PITPNC1: variants seen among roughly 807,000 people sequenced by gnomAD.
The protein encoded by PITPNC1 is cytoplasmic phosphatidylinositol transfer protein 1.
Under a neutral mutation model 44.7 loss-of-function variants are expected in PITPNC1, and 18 were observed. The observed-to-expected ratio is 0.40, with a 90% CI of 0.28 to 0.60. PITPNC1 has a LOEUF of 0.60. PITPNC1 is among the 20% of genes least tolerant of loss of function. The pLI, the probability that PITPNC1 is intolerant of heterozygous loss-of-function variation, is 0.39. For missense variants in PITPNC1, 290 were observed against 418.4 expected (o/e 0.69, Z 2.68); for synonymous variants, 141 against 149.6 (o/e 0.94, Z 0.42).
intron 1 of PITPNC1, among the ~76,000 whole-genome samples, chr17:67,427,549 GACTCCTC>G (rs2038788617): frequency 3.3e-5 from 5 of 151,980 alleles, no homozygotes; most frequent in African/African-American, 9.7e-5. Flanking sequence ...GGACTCCTCG[GACTCCTC>G]ACAAGAGTGA....
rs1190053080 is a variant in PITPNC1 at position 67,486,919 on chromosome 17, G to A, written c.49-45883G>A. Among the ~76,000 whole-genome samples the A allele has an allele frequency of 2.0e-5, 3 of 151,922 alleles. No homozygotes were observed. In the East Asian group the frequency reaches 5.9e-4, roughly 30 times the overall value. Reference sequence around the variant, plus strand: ...GTGGTGGTGCATGTCTGTAATCCCAGCTACTTGGGAGGCTGAGGCAGGAGA... The same window carrying A: ...GTGGTGGTGCATGTCTGTAATCCCAACTACTTGGGAGGCTGAGGCAGGAGA... On this transcript the variant is annotated intron_variant, in intron 1 of 8. Transcript: ENST00000581322.
At chr17:67,407,298 A>G (rs1054256651) in intron 1 of PITPNC1, among the ~76,000 whole-genome samples, 5 of 152,150 alleles carry the variant, frequency 3.3e-5, no homozygotes, top group East Asian at 1.9e-4. Context: ...GGCAATTTGT[A>G]TATCTTCTTT....
chr17:67,441,508 A>G (rs183563633), intron 1 of PITPNC1, among the ~76,000 whole-genome samples: 118 of 152,302 alleles, frequency 7.7e-4, no homozygotes, highest in Middle Eastern at 3.4e-3. Context: ...GTGGGAATCC[A>G]GTTAATACTT....
chr17:67,516,960 C>T (rs1267272037), intron 1 of PITPNC1, among the ~76,000 whole-genome samples: 2 of 149,748 alleles, frequency 1.3e-5, no homozygotes, highest in Non-Finnish European at 3.0e-5. Context: ...CATGTGGCAC[C>T]CCCCACCAAC....
chr17:67,398,799 A>T (rs1390844672), intron 1 of PITPNC1, among the ~76,000 whole-genome samples: 1 of 152,128 alleles, frequency 6.6e-6, no homozygotes, highest in Non-Finnish European at 1.5e-5. Context: ...TGCACGTCAC[A>T]ATCCGATCGA....
chr17:67,620,512 C>T (rs2041815647), intron 5 of PITPNC1, among the ~76,000 whole-genome samples: 1 of 152,188 alleles, frequency 6.6e-6, no homozygotes, highest in Non-Finnish European at 1.5e-5. Context: ...ACCCCTCACC[C>T]TTCTCTATCC....
chr17:67,657,379 G>A (rs1010154605), intron 6 of PITPNC1, among the ~76,000 whole-genome samples: 57 of 152,046 alleles, frequency 3.7e-4, no homozygotes, highest in African/African-American at 1.2e-3. Flanking sequence ...GCAAAATATC[G>A]ACACAATGTT....
intron 1 of PITPNC1, among the ~76,000 whole-genome samples, chr17:67,444,001 ACT>A (rs1252969543): frequency 1.4e-4 from 22 of 151,906 alleles, no homozygotes; most frequent in African/African-American, 4.8e-4. Flanking sequence ...CAGCTTTACA[ACT>A]CTGTCATTAT....
intron 5 of PITPNC1, among the ~76,000 whole-genome samples, chr17:67,593,710 T>A (rs971062905): frequency 6.6e-6 from 1 of 152,322 alleles, no homozygotes; most frequent in African/African-American, 2.4e-5. Context: ...ATTTTTTATA[T>A]TCTTGATATT....
chr17:67,484,109 G>A lies in PITPNC1; in HGVS notation c.49-48693G>A, dbSNP rs1439488294. Among the ~76,000 whole-genome samples, 9 of 151,988 alleles carry A rather than the reference G, an allele frequency of 5.9e-5. No individual in the cohort carries two copies. In the East Asian group the frequency reaches 1.6e-3, roughly 26 times the overall value. On this transcript the variant is annotated intron_variant, in intron 1 of 8. Transcript: ENST00000581322. ...TATTTTGTATTTTTAGTAGAGACGG[G>A]GTTTCTCCATGTTGGTTAGGCTGGT...
At chr17:67,655,442 C>T (rs1267419335) in intron 6 of PITPNC1, among the ~76,000 whole-genome samples, 1 of 151,556 alleles carries the variant, frequency 6.6e-6, no homozygotes, top group Non-Finnish European at 1.5e-5. Flanking sequence ...CGCCTGTGGT[C>T]CCAGCTACTC....
intron 6 of PITPNC1, among the ~76,000 whole-genome samples, chr17:67,642,866 GA>G (rs1043386638): frequency 1.3e-5 from 2 of 151,602 alleles, no homozygotes; most frequent in South Asian, 2.1e-4. Flanking sequence ...TTTTCAAGGG[GA>G]AAAAAACCAT....
At chr17:67,660,894 G>A (rs375587843) in intron 6 of PITPNC1, among the ~76,000 whole-genome samples, 67 of 122,894 alleles carry the variant, frequency 5.5e-4, no homozygotes, top group African/African-American at 1.8e-3. Flanking sequence ...AGTCTCGCTC[G>A]GTCACCCAGG....
At chr17:67,556,128 G>A (rs1028565884) in intron 4 of PITPNC1, among the ~76,000 whole-genome samples, 1 of 152,160 alleles carries the variant, frequency 6.6e-6, no homozygotes, top group Admixed American at 6.5e-5. Flanking sequence ...TCAGACCTCA[G>A]CAGAGGGCAG....
chr17:67,687,249 A>C, intron 8 of PITPNC1: 1 of 875,404 alleles, frequency 1.1e-6, no homozygotes. Context: ...CTGATCTGGG[A>C]AATACTGCAG....
intron 2 of PITPNC1, among the ~76,000 whole-genome samples, chr17:67,544,883 G>A (rs571867703): frequency 1.3e-5 from 2 of 152,184 alleles, no homozygotes; most frequent in Non-Finnish European, 2.9e-5. Flanking sequence ...TCCACTGCCC[G>A]GGCAACAGGC....
chr17:67,413,966 A>G (rs1468842828), intron 1 of PITPNC1, among the ~76,000 whole-genome samples: 16 of 152,140 alleles, frequency 1.1e-4, no homozygotes, highest in Admixed American at 1.0e-3. Flanking sequence ...TGGTATTGCT[A>G]CTTGATTGTA....
chr17:67,643,257 G>T (rs541964632), intron 6 of PITPNC1, among the ~76,000 whole-genome samples: 1 of 152,296 alleles, frequency 6.6e-6, no homozygotes, highest in South Asian at 2.1e-4. Context: ...ATGGCGGCAC[G>T]CACCTGTAGT....
intron 1 of PITPNC1, among the ~76,000 whole-genome samples, chr17:67,518,240 G>A (rs1364592987): frequency 6.6e-6 from 1 of 152,062 alleles, no homozygotes; most frequent in African/African-American, 2.4e-5. Flanking sequence ...GGTTCCCTAA[G>A]GTACTAATTC....
Sources: allele counts gnomAD v4.1 joint callset (sites outside exome capture counted in the v4.1 genomes callset), GRCh38; gene constraint gnomAD v4.1.1; transcripts MANE v1.5; gene names NCBI Gene and HGNC (gene_info 2026-07-23, HGNC 2026-07-21).